OMA1: variants seen among roughly 807,000 people sequenced by gnomAD.
OMA1 encodes the protein OMA1 zinc metallopeptidase, also known as metalloendopeptidase OMA1, mitochondrial.
Under a neutral mutation model 30.9 loss-of-function variants are expected in OMA1, and 38 were observed. The observed-to-expected ratio is 1.23, with a 90% CI of 0.95 to 1.61. The LOEUF is 1.61. Ranked by LOEUF, OMA1 falls within the 40% of genes most tolerant of loss-of-function variation. OMA1 has a pLI of 0.00. For synonymous variants in OMA1, 173 were observed against 121.9 expected (o/e 1.42, Z -2.76); for missense variants, 461 against 349.2 (o/e 1.32, Z -2.55).
intron 6 of OMA1, among the ~76,000 whole-genome samples, 166 bp downstream of exon 6, chr1:58,530,435 A>T (rs951297582): frequency 1.3e-5 from 2 of 152,216 alleles, no homozygotes; most frequent in Admixed American, 6.5e-5. Context: ...TTAAATATTC[A>T]TATATAAGAA....
intron 8 of OMA1, among the ~76,000 whole-genome samples, chr1:58,491,806 A>T (rs1462020696): frequency 6.6e-6 from 1 of 152,224 alleles, no homozygotes; most frequent in Non-Finnish European, 1.5e-5. Context: ...ACTCCCACAC[A>T]ATAATAATGG....
At chr1:58,497,881 C>T (rs1645831246) in intron 8 of OMA1, among the ~76,000 whole-genome samples, 1 of 152,170 alleles carries the variant, frequency 6.6e-6, no homozygotes, top group Admixed American at 6.5e-5. Context: ...GAACTCAAAG[C>T]CACCTCTTGG....
At chr1:58,543,497 G>A (rs1220700617) in intron 1 of OMA1, among the ~76,000 whole-genome samples, 2 of 151,978 alleles carry the variant, frequency 1.3e-5, no homozygotes, top group African/African-American at 2.4e-5. Flanking sequence ...GTGGTCTTAT[G>A]GTGTTGATCA....
At chr1:58,513,664 T>C (rs1380755484) in intron 7 of OMA1, among the ~76,000 whole-genome samples, 3 of 152,210 alleles carry the variant, frequency 2.0e-5, no homozygotes, top group African/African-American at 7.2e-5. Context: ...ATCAGAAATA[T>C]CTGGGTTCAA....
intron 7 of OMA1, among the ~76,000 whole-genome samples, chr1:58,513,816 C>T (rs11808738): frequency 0.12 from 17,536 of 152,148 alleles, 1,198 homozygotes; most frequent in African/African-American, 0.18. Flanking sequence ...ACTGTTATGA[C>T]CCTCACTTTA....
At chr1:58,538,241 T>A (rs60614132) in intron 2 of OMA1, among the ~76,000 whole-genome samples, 2,805 of 152,246 alleles carry the variant, frequency 0.018, 55 homozygotes, top group East Asian at 0.12. Flanking sequence ...GTGAAAATAT[T>A]ATTATAAAGG....
intron 7 of OMA1, among the ~76,000 whole-genome samples, chr1:58,520,016 G>C (rs1238306557): frequency 6.6e-6 from 1 of 152,148 alleles, no homozygotes; most frequent in Non-Finnish European, 1.5e-5. Flanking sequence ...CCTATTGCAT[G>C]TTCTCACTCA....
At chr1:58,505,024 C>G (rs1645965060) in intron 8 of OMA1, among the ~76,000 whole-genome samples, 1 of 152,044 alleles carries the variant, frequency 6.6e-6, no homozygotes. Flanking sequence ...ACGATCTCGG[C>G]TCACTACAAC....
At chr1:58,515,086 C>A (rs1346347235) in intron 7 of OMA1, among the ~76,000 whole-genome samples, 1 of 152,180 alleles carries the variant, frequency 6.6e-6, no homozygotes, top group African/African-American at 2.4e-5. Flanking sequence ...TCTCACATAC[C>A]TCCACAGGTT....
At chr1:58,493,648 G>C (rs1251426721) in intron 8 of OMA1, among the ~76,000 whole-genome samples, 27 of 151,672 alleles carry the variant, frequency 1.8e-4, no homozygotes, top group Non-Finnish European at 3.4e-4. Flanking sequence ...GCCAAATCAT[G>C]AGTGAACTCC....
chr1:58,523,483 T>C (rs1646299113), intron 7 of OMA1, among the ~76,000 whole-genome samples: 1 of 152,194 alleles, frequency 6.6e-6, no homozygotes, highest in Admixed American at 6.5e-5. Flanking sequence ...AAGGTCCTTA[T>C]GGCCCTCTGA....
chr1:58,495,484 A>G (rs1645784778), intron 8 of OMA1, among the ~76,000 whole-genome samples: 2 of 152,012 alleles, frequency 1.3e-5, no homozygotes, highest in Admixed American at 1.3e-4. Context: ...TTTATTTTTC[A>G]TATTATTCAG....
chr1:58,532,277 G>A (rs1238617300), intron 5 of OMA1, among the ~76,000 whole-genome samples: 1 of 152,006 alleles, frequency 6.6e-6, no homozygotes, highest in Non-Finnish European at 1.5e-5. Context: ...TATTTTTAAG[G>A]CTGCTGTTTG....
At chr1:58,489,609 T>C (rs6661832) in intron 8 of OMA1, among the ~76,000 whole-genome samples, 44,724 of 152,112 alleles carry the variant, frequency 0.29, 7,183 homozygotes, top group African/African-American at 0.41. Flanking sequence ...TCTCCCAGCA[T>C]GCAGCTTGAG....
At chr1:58,536,050 A>C (rs1459624090) in intron 3 of OMA1, among the ~76,000 whole-genome samples, 17 of 152,172 alleles carry the variant, frequency 1.1e-4, no homozygotes, top group Non-Finnish European at 2.9e-5. Flanking sequence ...ACAATCAAAA[A>C]AATAATTATG....
rs147058461 is a variant in OMA1 at position 58,529,837 on chromosome 1, T to A, written c.1140+764A>T. ...TAATCTAGAGATGATTTAAAGTATA[T>A]GAGAGGATGTGCATAGTTACATGCA... is the stretch of plus-strand genomic sequence containing the variant. On this transcript the variant is annotated intron_variant, in intron 6 of 8. Coordinates refer to ENST00000371226, the MANE Select transcript of OMA1 (RefSeq NM_145243.5). 5.0e-3 allele frequency among the ~76,000 whole-genome samples: 768 copies of A among 152,320 alleles called. 24 individuals are homozygous for A. The highest frequency in any genetic ancestry group is 0.046 in the Admixed American group (700 of 15,296).
At chr1:58,485,333 T>C (rs542897740) in intron 8 of OMA1, among the ~76,000 whole-genome samples, 32 of 150,472 alleles carry the variant, frequency 2.1e-4, no homozygotes, top group Non-Finnish European at 4.6e-4. Flanking sequence ...CTTTTTGTGC[T>C]CATGCTTTTT....
At position 58,498,873 on chromosome 1, in the gene OMA1, G is replaced by C. The variant is rs117130897; in HGVS notation, c.1365+7187C>G. Among the ~76,000 whole-genome samples, 78 of 152,172 alleles carry C rather than the reference G, an allele frequency of 5.1e-4. No individual in the cohort carries two copies. In the East Asian group the frequency reaches 0.014, roughly 28 times the overall value. ...GGAAATTGGATTCTGACTAGTTTTT[G>C]AAGTGTTCTAAAGTAAATAAGTATA... On this transcript the variant is annotated intron_variant, in intron 8 of 8. Coordinates refer to ENST00000371226, the MANE Select transcript of OMA1 (RefSeq NM_145243.5).
At chr1:58,501,805 G>A (rs575127399) in intron 8 of OMA1, among the ~76,000 whole-genome samples, 13 of 152,178 alleles carry the variant, frequency 8.5e-5, no homozygotes, top group Middle Eastern at 3.4e-3. Flanking sequence ...AACTGTATTT[G>A]GAAATAAGGC....
Sources: allele counts gnomAD v4.1 joint callset (sites outside exome capture counted in the v4.1 genomes callset), GRCh38; gene constraint gnomAD v4.1.1; transcripts MANE v1.5; gene names NCBI Gene and HGNC (gene_info 2026-07-23, HGNC 2026-07-21).